Variants in STK24 observed in about 807,000 individuals in gnomAD.
The protein encoded by STK24 is serine/threonine-protein kinase 24.
In STK24, 21 loss-of-function variants were observed where a neutral mutation model predicts 55.6. The ratio of observed to expected loss-of-function variants is 0.38; its 90% CI spans 0.27 to 0.54. STK24 has a LOEUF of 0.54. Ranked by LOEUF, STK24 falls within the 20% of genes least tolerant of loss-of-function variation. STK24 has a pLI of 0.79. For synonymous variants in STK24, 200 were observed against 215.2 expected (o/e 0.93, Z 0.62); for missense variants, 383 against 538.4 (o/e 0.71, Z 2.86).
At chr13:98,557,296 C>T (rs1056064051) in intron 1 of STK24, among the ~76,000 whole-genome samples, 9 of 152,234 alleles carry the variant, frequency 5.9e-5, no homozygotes, top group African/African-American at 2.2e-4. Context: ...TTTCTAACTG[C>T]CTGTTCATTT....
intron 5 of STK24, among the ~76,000 whole-genome samples, chr13:98,466,970 T>C (rs1893948800): frequency 6.6e-6 from 1 of 152,152 alleles, no homozygotes; most frequent in East Asian, 1.9e-4. Flanking sequence ...AGTGGGCACC[T>C]TGGTCTCAAG....
At position 98,457,009 on chromosome 13, in the gene STK24, T is replaced by C. The variant is rs1893489509; in HGVS notation, c.1259+159A>G. ...CCTTCATTCACATTGATTTCTAGAA[T>C]TCAGAACAAAGTCTCCTCTAATTCA... On this transcript the variant is annotated intron_variant, in intron 10 of 10. Coordinates refer to ENST00000539966, the MANE Select transcript of STK24 (RefSeq NM_001032296.4). 3.4e-6 allele frequency: 3 copies of C among 883,086 alleles called. No homozygotes were observed. In the East Asian group the frequency reaches 8.0e-5, roughly 24 times the overall value. The allele number at this position is 883,086 out of a possible 1,614,324, so 54.7% of individuals were successfully genotyped here. A position where few individuals can be genotyped will look rare whatever the true frequency, so the allele number is the denominator to read the frequency against.
intron 2 of STK24, among the ~76,000 whole-genome samples, chr13:98,512,428 C>G (rs928903435): frequency 2.0e-5 from 3 of 151,896 alleles, no homozygotes; most frequent in Admixed American, 2.0e-4. Context: ...TGACTTAGAG[C>G]GAAACAGGTC....
chr13:98,520,549 G>A (rs1430112174), intron 1 of STK24, among the ~76,000 whole-genome samples: 1 of 152,228 alleles, frequency 6.6e-6, no homozygotes, highest in Non-Finnish European at 1.5e-5. Context: ...AGGAGGTAAA[G>A]AAAGAGAATG....
At chr13:98,455,277 C>T (rs1249560504) in intron 10 of STK24, 2 of 152,198 alleles carry the variant, frequency 1.3e-5, no homozygotes, top group Non-Finnish European at 2.9e-5. Flanking sequence ...GACAGGTTCT[C>T]ACTCTGTTGC....
At chr13:98,550,711 T>C (rs1897136478) in intron 1 of STK24, among the ~76,000 whole-genome samples, 1 of 151,908 alleles carries the variant, frequency 6.6e-6, no homozygotes, top group Non-Finnish European at 1.5e-5. Flanking sequence ...CCTAAAGCTC[T>C]GGGCTCAAAG....
chr13:98,566,210 A>G (rs929473023), intron 1 of STK24, among the ~76,000 whole-genome samples: 3 of 152,274 alleles, frequency 2.0e-5, no homozygotes, highest in African/African-American at 7.2e-5. Context: ...AAAAAAATGA[A>G]TAACAATGAA....
chr13:98,491,227 C>T (rs1237477950), intron 2 of STK24, among the ~76,000 whole-genome samples: 1 of 152,204 alleles, frequency 6.6e-6, no homozygotes, highest in African/African-American at 2.4e-5. Context: ...GCCTTCTCTG[C>T]TGACCCTAAA....
At chr13:98,518,401 T>TC (rs1174041520) in intron 2 of STK24, among the ~76,000 whole-genome samples, 1 of 152,220 alleles carries the variant, frequency 6.6e-6, no homozygotes, top group African/African-American at 2.4e-5. Flanking sequence ...TATCGCTGCC[T>TC]CCCCTGGAAA....
At chr13:98,545,975 T>C (rs7983241) in intron 1 of STK24, among the ~76,000 whole-genome samples, 27,886 of 152,120 alleles carry the variant, frequency 0.18, 2,656 homozygotes, top group South Asian at 0.27. Context: ...TTTAAAGAAA[T>C]TGGGAGATCA....
chr13:98,473,371 G>A lies in STK24; in HGVS notation c.597+1450C>T, dbSNP rs1336375289. Among the ~76,000 whole-genome samples, 6 of 149,128 alleles carry A rather than the reference G, an allele frequency of 4.0e-5. No individual in the cohort carries two copies. In the South Asian group the frequency reaches 8.7e-4, roughly 22 times the overall value. ...TACAAAGAATGAGAAGAGAATAATC[G>A]AGGTGGTGTCATCCAATGAGTTAAG... On this transcript the variant is annotated intron_variant, in intron 5 of 10. Coordinates refer to ENST00000539966, the MANE Select transcript of STK24 (RefSeq NM_001032296.4).
chr13:98,544,870 A>C (rs1352390071), intron 1 of STK24, among the ~76,000 whole-genome samples: 2 of 152,272 alleles, frequency 1.3e-5, no homozygotes, highest in Non-Finnish European at 2.9e-5. Context: ...CATTATCAAA[A>C]TAAACATCAC....
At chr13:98,468,950 G>A (rs1894031167) in intron 5 of STK24, among the ~76,000 whole-genome samples, 1 of 152,194 alleles carries the variant, frequency 6.6e-6, no homozygotes, top group African/African-American at 2.4e-5. Context: ...AGACCTCCAA[G>A]CACCTCTCAA....
Position 98,451,912 on chromosome 13 carries a change from T to A in STK24, c.*1261A>T, listed in dbSNP as rs1324833632. ...CAGAGAAGCAAAATAACTCTTAAGGTCCCCGGCAACCGCTACAGCAATCGC... is the reference window on the plus strand; with the variant it reads ...CAGAGAAGCAAAATAACTCTTAAGGACCCCGGCAACCGCTACAGCAATCGC... On this transcript the variant is annotated 3_prime_UTR_variant, in exon 11 of 11. Transcript: ENST00000539966. 6.6e-6 allele frequency: 1 copy of A among 151,254 alleles called. No homozygotes were observed. Among genetic ancestry groups the A allele is most frequent in the Non-Finnish European group, 1.5e-5 (1 of 67,978 alleles). The allele number at this position is 151,254 out of a possible 1,614,324, so 9.4% of individuals were successfully genotyped here. A position where few individuals can be genotyped will look rare whatever the true frequency, so the allele number is the denominator to read the frequency against.
At chr13:98,554,013 G>A (rs1458509233) in intron 1 of STK24, among the ~76,000 whole-genome samples, 2 of 149,044 alleles carry the variant, frequency 1.3e-5, no homozygotes, top group African/African-American at 5.0e-5. Flanking sequence ...AGTGAGCCGA[G>A]ATCACGCCAC....
intron 1 of STK24, among the ~76,000 whole-genome samples, chr13:98,538,557 T>C (rs1040330663): frequency 1.3e-5 from 2 of 152,196 alleles, no homozygotes; most frequent in South Asian, 2.1e-4. Flanking sequence ...AAGCAGTAGC[T>C]TACTGCACCT....
Position 98,445,871 on chromosome 13 carries a change from GAC to G in STK24, c.*7300_*7301del. On this transcript the variant is annotated 3_prime_UTR_variant, in exon 11 of 11. Transcript: ENST00000539966. Reference sequence around the variant, plus strand: ...AGGACCTCAACGTGTCTTTTGGGGGGACACAGGGACCCCAAGATGCCCCACAG... The same window carrying G: ...AGGACCTCAACGTGTCTTTTGGGGGGACAGGGACCCCAAGATGCCCCACAG... 4.0e-6 allele frequency: 2 copies of G among 501,532 alleles called. No homozygotes were observed. The highest frequency in any genetic ancestry group is 4.8e-5 in the South Asian group (2 of 41,976). The allele number at this position is 501,532 out of a possible 1,614,324, so 31.1% of individuals were successfully genotyped here.
intron 1 of STK24, among the ~76,000 whole-genome samples, chr13:98,575,831 C>T (rs1897875693): frequency 6.6e-6 from 1 of 152,140 alleles, no homozygotes. Context: ...ACAAAGTTTA[C>T]AAGAGTTAGC....
At chr13:98,548,969 G>A (rs1008836327) in intron 1 of STK24, among the ~76,000 whole-genome samples, 12 of 150,962 alleles carry the variant, frequency 7.9e-5, no homozygotes, top group African/African-American at 2.9e-4. Context: ...ATAACAAATA[G>A]AGAAGACCCC....
Sources: allele counts gnomAD v4.1 joint callset (sites outside exome capture counted in the v4.1 genomes callset), GRCh38; gene constraint gnomAD v4.1.1; transcripts MANE v1.5; gene names NCBI Gene and HGNC (gene_info 2026-07-23, HGNC 2026-07-21).